Variants in TTC3 observed in about 807,000 individuals in gnomAD.
TTC3 encodes the protein tetratricopeptide repeat domain 3, also known as E3 ubiquitin-protein ligase TTC3.
TTC3 carries 180 observed loss-of-function variants against 249.6 expected under a neutral mutation model. That is an observed-to-expected ratio of 0.72 (90% CI 0.64 to 0.82). The LOEUF (loss-of-function observed/expected upper bound fraction) is 0.82, where lower values mean the gene tolerates loss of function less well. Among genes scored for constraint, TTC3 ranks in the 40% least tolerant of loss-of-function variants. The pLI, the probability that TTC3 is intolerant of heterozygous loss-of-function variation, is 0.00. For missense variants in TTC3, 2,061 were observed against 2,398.4 expected (o/e 0.86, Z 2.94); for synonymous variants, 717 against 805.0 (o/e 0.89, Z 1.85).
intron 22 of TTC3, among the ~76,000 whole-genome samples, 174 bp from the exon 23 acceptor site, chr21:37,148,372 A>G (rs1372192965): frequency 1.3e-5 from 2 of 152,206 alleles, no homozygotes; most frequent in Non-Finnish European, 2.9e-5. Context: ...CTGGTTAGTA[A>G]ATCAGATGAA....
intron 10 of TTC3, among the ~76,000 whole-genome samples, chr21:37,102,286 A>AT (rs1235152397): frequency 1.3e-5 from 2 of 152,162 alleles, no homozygotes; most frequent in African/African-American, 4.8e-5. Context: ...AATAGTTGTT[A>AT]TTTCTTTATT....
chr21:37,158,515 C>T (rs2080342502), intron 28 of TTC3, among the ~76,000 whole-genome samples: 2 of 152,188 alleles, frequency 1.3e-5, no homozygotes, highest in Admixed American at 1.3e-4. Context: ...TTTCTTAAAA[C>T]TTTTCAAAAT....
intron 11 of TTC3, among the ~76,000 whole-genome samples, chr21:37,111,343 A>C (rs2075642650): frequency 6.6e-6 from 1 of 152,206 alleles, no homozygotes; most frequent in Non-Finnish European, 1.5e-5. Flanking sequence ...GCTCAAAATA[A>C]AGGGATGGAG....
chr21:37,202,707 C>T (rs2085605086), exon 46 of TTC3: 1 of 152,232 alleles, frequency 6.6e-6, no homozygotes, highest in Admixed American at 6.5e-5. Context: ...ATTCTGGTCA[C>T]ATTCCATTTC....
chr21:37,106,824 G>A (rs2075124600), intron 10 of TTC3, among the ~76,000 whole-genome samples: 1 of 152,182 alleles, frequency 6.6e-6, no homozygotes, highest in African/African-American at 2.4e-5. Context: ...TTGAGCCTGT[G>A]ATGTCAAGGC....
exon 9 of TTC3, chr21:37,095,370 G>A: frequency 6.2e-7 from 1 of 1,605,906 alleles, no homozygotes. Flanking sequence ...TAATGAAAAT[G>A]AAAGGAAATG....
In TTC3 at chr21:37,182,043, G is replaced by T. The variant is rs778701482; in HGVS notation, c.4618-731G>T. Among the ~76,000 whole-genome samples, 24 of 152,272 alleles carry T rather than the reference G, an allele frequency of 1.6e-4. No individual in the cohort carries two copies. In the South Asian group the frequency reaches 5.0e-3, roughly 32 times the overall value. On this transcript the variant is annotated intron_variant, in intron 35 of 45. Transcript: ENST00000355666. ...AAAATATTTGTTTCCTTTAAATATT[G>T]CTTTGATTCACGTTTAAATTAATTA...
intron 20 of TTC3, among the ~76,000 whole-genome samples, chr21:37,142,999 G>T (rs2078635871): frequency 6.6e-6 from 1 of 152,120 alleles, no homozygotes; most frequent in African/African-American, 2.4e-5. Flanking sequence ...ATAGGCAAAG[G>T]ATTCACTATT....
At chr21:37,108,406 A>G (rs767672863) in exon 11 of TTC3, 1 of 1,611,522 alleles carries the variant, frequency 6.2e-7, no homozygotes, top group South Asian at 1.1e-5. Flanking sequence ...GCACTCGGTG[A>G]TGGAAAGAGA....
chr21:37,126,823 C>A (rs1332623310), intron 15 of TTC3, among the ~76,000 whole-genome samples: 1 of 151,788 alleles, frequency 6.6e-6, no homozygotes, highest in Non-Finnish European at 1.5e-5. Flanking sequence ...GTAGAAGGAG[C>A]AAGACAGCCC....
intron 10 of TTC3, among the ~76,000 whole-genome samples, chr21:37,104,226 T>C (rs2074823419): frequency 6.6e-6 from 1 of 152,088 alleles, no homozygotes; most frequent in South Asian, 2.1e-4. Flanking sequence ...CTCACTCACA[T>C]TGGGATTGCT....
chr21:37,126,263 GCTTC>G, intron 15 of TTC3, 120 bp downstream of exon 15: 1 of 659,938 alleles, frequency 1.5e-6, no homozygotes, highest in South Asian at 2.9e-5. Context: ...ACTTTATAAT[GCTTC>G]TATGTTAAGA....
exon 33 of TTC3, chr21:37,165,693 C>T: frequency 1.9e-6 from 3 of 1,613,742 alleles, no homozygotes; most frequent in Non-Finnish European, 2.5e-6. Flanking sequence ...TTGGGATGCC[C>T]TCGTTTTGTT....
At chr21:37,161,357 C>T (rs867587838) in intron 30 of TTC3, among the ~76,000 whole-genome samples, 21 of 152,180 alleles carry the variant, frequency 1.4e-4, no homozygotes, top group African/African-American at 4.6e-4. Context: ...CTCACTGCAG[C>T]CTCAAACTCC....
chr21:37,198,433 A>G (rs549363470), intron 44 of TTC3, among the ~76,000 whole-genome samples: 5 of 152,226 alleles, frequency 3.3e-5, no homozygotes, highest in Non-Finnish European at 5.9e-5. Flanking sequence ...AATTACACAG[A>G]TGTGTCAATG....
chr21:37,199,706 A>G (rs1014706561), intron 44 of TTC3, among the ~76,000 whole-genome samples: 1 of 152,246 alleles, frequency 6.6e-6, no homozygotes, highest in Non-Finnish European at 1.5e-5. Context: ...GCATGTATGT[A>G]TACATGCAGC....
At chr21:37,146,568 G>A (rs1249469610) in intron 21 of TTC3, among the ~76,000 whole-genome samples, 1 of 151,960 alleles carries the variant, frequency 6.6e-6, no homozygotes. Flanking sequence ...ATGGACCTTG[G>A]AAACATTATG....
exon 20 of TTC3, chr21:37,140,575 C>T (rs139032014): frequency 6.8e-4 from 1,081 of 1,582,306 alleles, no homozygotes; most frequent in Non-Finnish European, 8.5e-4. Context: ...TATCTGAAGC[C>T]GAAAACCAGT....
intron 21 of TTC3, among the ~76,000 whole-genome samples, chr21:37,146,652 G>A (rs777097297): frequency 2.0e-5 from 3 of 152,174 alleles, no homozygotes; most frequent in Non-Finnish European, 2.9e-5. Context: ...AAGCAAGTCT[G>A]TATATAGTGA....
Sources: allele counts gnomAD v4.1 joint callset (sites outside exome capture counted in the v4.1 genomes callset), GRCh38; gene constraint gnomAD v4.1.1; transcripts MANE v1.5; gene names NCBI Gene and HGNC (gene_info 2026-07-23, HGNC 2026-07-21).